Variants in AGMO observed in about 807,000 individuals in gnomAD.
The protein encoded by AGMO is alkylglycerol monooxygenase.
In AGMO, 75 loss-of-function variants were observed where a neutral mutation model predicts 60.2. The observed-to-expected ratio is 1.25, with a 90% CI of 1.03 to 1.51. The LOEUF is 1.51. AGMO is among the 40% of genes most tolerant of loss of function. AGMO has a pLI of 0.00. For missense variants in AGMO, 763 were observed against 525.5 expected (o/e 1.45, Z -4.42); for synonymous variants, 261 against 177.1 (o/e 1.47, Z -3.76).
intron 12 of AGMO, among the ~76,000 whole-genome samples, chr7:15,354,463 T>TGC (rs1782423363): frequency 9.9e-5 from 2 of 20,286 alleles, no homozygotes; most frequent in Non-Finnish European, 1.5e-4. Flanking sequence ...TATACACACG[T>TGC]GTGTGTATAC....
chr7:15,420,480 G>A (rs1162549776), intron 4 of AGMO, among the ~76,000 whole-genome samples: 3 of 152,012 alleles, frequency 2.0e-5, no homozygotes, highest in Non-Finnish European at 4.4e-5. Flanking sequence ...AAAAATATAG[G>A]TGAGGAAATA....
chr7:15,229,911 C>T (rs1050127211), intron 12 of AGMO, among the ~76,000 whole-genome samples: 15 of 151,464 alleles, frequency 9.9e-5, no homozygotes, highest in Non-Finnish European at 1.0e-4. Context: ...TTATCTAATA[C>T]TTTGTGATTG....
At chr7:15,504,997 A>T (rs1008124027) in intron 3 of AGMO, among the ~76,000 whole-genome samples, 1 of 151,838 alleles carries the variant, frequency 6.6e-6, no homozygotes, top group African/African-American at 2.4e-5. Flanking sequence ...TTTTTTCTTT[A>T]GAATTCTTGT....
Position 15,366,151 on chromosome 7 carries a change from A to T in AGMO, c.1146T>A (p.Leu382=). The stretch of plus-strand genomic sequence containing the variant: ...ATTTCACTTCTTGCCTTTGATCCAG[A>T]AGAAATCCAATGGAAGTCAAGGTCA... The part of the protein sequence containing the change: ...IILTLTSIGF[L]LDQRPKAAIM... Residue 382 remains leucine, a synonymous_variant, in exon 11 of 13, where the codon CTT becomes CTA. Transcript: ENST00000342526. 1.2e-6 allele frequency: 2 copies of T among 1,607,346 alleles called. No individual in the cohort carries two copies. The highest frequency in any genetic ancestry group is 1.7e-6 in the Non-Finnish European group (2 of 1,176,108).
At chr7:15,269,259 A>G (rs1317171384) in intron 12 of AGMO, among the ~76,000 whole-genome samples, 2 of 152,110 alleles carry the variant, frequency 1.3e-5, no homozygotes, top group African/African-American at 4.8e-5. Flanking sequence ...AGATACATGG[A>G]TATCAATAGT....
chr7:15,351,865 A>G (rs1782254963), intron 12 of AGMO, among the ~76,000 whole-genome samples: 1 of 152,016 alleles, frequency 6.6e-6, no homozygotes, highest in Non-Finnish European at 1.5e-5. Flanking sequence ...GTGTTAAAAT[A>G]CAAAGATGAA....
intron 11 of AGMO, among the ~76,000 whole-genome samples, chr7:15,365,897 G>A (rs1037149747): frequency 6.6e-6 from 1 of 151,572 alleles, no homozygotes; most frequent in South Asian, 2.1e-4. Context: ...AAATTTCTAG[G>A]GTTTAAAGTA....
the AGMO span, among the ~76,000 whole-genome samples, chr7:15,182,160 T>C: frequency 1.1e-3 from 162 of 152,260 alleles, 2 homozygotes; most frequent in African/African-American, 3.8e-3. Flanking sequence ...TCAAATTTAT[T>C]AGACAGAAAG....
At chr7:15,439,787 C>T (rs530407111) in intron 3 of AGMO, among the ~76,000 whole-genome samples, 1 of 152,230 alleles carries the variant, frequency 6.6e-6, no homozygotes, top group South Asian at 2.1e-4. Context: ...TTACTACCTA[C>T]AAATACAAAG....
chr7:15,159,367 C>T, the AGMO span, among the ~76,000 whole-genome samples: 205 of 152,242 alleles, frequency 1.3e-3, no homozygotes, highest in African/African-American at 4.7e-3. Flanking sequence ...TGGTAAAAGA[C>T]AGTGCAGAGA....
At chr7:15,242,982 G>A (rs960871574) in intron 12 of AGMO, among the ~76,000 whole-genome samples, 2 of 151,952 alleles carry the variant, frequency 1.3e-5, no homozygotes, top group East Asian at 3.9e-4. Flanking sequence ...TTATTGGTAA[G>A]AACTGGGGCA....
chr7:15,357,944 T>C (rs952934487), intron 12 of AGMO, among the ~76,000 whole-genome samples: 3 of 151,932 alleles, frequency 2.0e-5, no homozygotes, highest in African/African-American at 7.3e-5. Context: ...TAAACACATA[T>C]ATACATACCA....
At chr7:15,502,790 G>C (rs1783420855) in intron 3 of AGMO, among the ~76,000 whole-genome samples, 3 of 151,990 alleles carry the variant, frequency 2.0e-5, no homozygotes, top group Non-Finnish European at 4.4e-5. Flanking sequence ...TTTCTATTTT[G>C]ATGTAGTCAC....
chr7:15,304,102 G>C (rs1780536540), intron 12 of AGMO, among the ~76,000 whole-genome samples: 1 of 152,104 alleles, frequency 6.6e-6, no homozygotes, highest in African/African-American at 2.4e-5. Flanking sequence ...TGCAATGCTT[G>C]ACGGCATCCT....
chr7:15,408,181 TATGGG>T (rs1784754210), intron 5 of AGMO, among the ~76,000 whole-genome samples: 1 of 151,830 alleles, frequency 6.6e-6, no homozygotes, highest in Non-Finnish European at 1.5e-5. Context: ...CTGGCTGACT[TATGGG>T]ATGGGATGGG....
intron 3 of AGMO, among the ~76,000 whole-genome samples, chr7:15,511,999 A>C (rs564974617): frequency 6.0e-4 from 76 of 127,408 alleles, no homozygotes; most frequent in Admixed American, 5.0e-3. Flanking sequence ...TCTTTAAGCC[A>C]AGAGAATACA....
chr7:15,350,979 G>A (rs1033734769), intron 12 of AGMO, among the ~76,000 whole-genome samples: 3 of 152,118 alleles, frequency 2.0e-5, no homozygotes, highest in African/African-American at 7.2e-5. Context: ...AAGTTATTAG[G>A]CAAAAAATGC....
chr7:15,389,244 T>A (rs1784043275), intron 8 of AGMO, among the ~76,000 whole-genome samples: 1 of 152,134 alleles, frequency 6.6e-6, no homozygotes, highest in Non-Finnish European at 1.5e-5. Flanking sequence ...TTAGTAGGAT[T>A]CTCTGATTCA....
At chr7:15,203,385 C>T (rs1781355662) in intron 12 of AGMO, among the ~76,000 whole-genome samples, 1 of 152,126 alleles carries the variant, frequency 6.6e-6, no homozygotes, top group African/African-American at 2.4e-5. Flanking sequence ...CCTCTAGGAC[C>T]TACCTCTAAG....
Sources: allele counts gnomAD v4.1 joint callset (sites outside exome capture counted in the v4.1 genomes callset), GRCh38; gene constraint gnomAD v4.1.1; transcripts MANE v1.5; gene names NCBI Gene and HGNC (gene_info 2026-07-23, HGNC 2026-07-21).